Variants in RARB observed in about 807,000 individuals in gnomAD.
RARB encodes HBV-activated protein.
A neutral mutation model predicts 51.9 loss-of-function variants in RARB; 17 were observed. The observed-to-expected ratio is 0.33, with a 90% CI of 0.22 to 0.49. The LOEUF is 0.49. RARB is among the 20% of genes least tolerant of loss of function. The probability of loss-of-function intolerance (pLI) is 0.99; values close to 1 mark genes in which losing one functional copy is unlikely to be tolerated. For missense variants in RARB, 369 were observed against 550.8 expected (o/e 0.67, Z 3.30); for synonymous variants, 215 against 195.4 (o/e 1.10, Z -0.84).
At chr3:25,100,942 G>A (rs575555219) in intron 3 of RARB, among the ~76,000 whole-genome samples, 4 of 152,202 alleles carry the variant, frequency 2.6e-5, no homozygotes, top group East Asian at 1.9e-4. Context: ...CCCTACACTC[G>A]GAGCTGAGGC....
intron 2 of RARB, among the ~76,000 whole-genome samples, chr3:25,461,647 C>T (rs1462822762): frequency 1.3e-5 from 2 of 152,256 alleles, no homozygotes; most frequent in African/African-American, 4.8e-5. Context: ...GTAATCCCAG[C>T]ACTTTGGGAG....
intron 2 of RARB, among the ~76,000 whole-genome samples, chr3:24,984,501 A>G (rs953013141): frequency 7.9e-5 from 12 of 152,218 alleles, no homozygotes; most frequent in African/African-American, 2.7e-4. Flanking sequence ...TTTATTCTTT[A>G]AATTATTTCT....
At chr3:24,994,193 C>T (rs1381132489) in intron 2 of RARB, among the ~76,000 whole-genome samples, 2 of 152,062 alleles carry the variant, frequency 1.3e-5, no homozygotes, top group Non-Finnish European at 2.9e-5. Flanking sequence ...TTAATAATAG[C>T]CATTCTAACT....
At chr3:24,885,370 G>A (rs1263873116) in intron 2 of RARB, among the ~76,000 whole-genome samples, 1 of 152,172 alleles carries the variant, frequency 6.6e-6, no homozygotes, top group East Asian at 1.9e-4. Context: ...TGACAAGAAT[G>A]TTCTGGTGGG....
intron 4 of RARB, among the ~76,000 whole-genome samples, chr3:25,156,656 C>G (rs946485658): frequency 1.3e-5 from 2 of 151,304 alleles, no homozygotes; most frequent in African/African-American, 4.9e-5. Context: ...TGGAGATGCT[C>G]TCGTTCCTAC....
chr3:24,913,402 C>A (rs73049461), intron 2 of RARB, among the ~76,000 whole-genome samples: 1 of 108,412 alleles, frequency 9.2e-6, no homozygotes, highest in African/African-American at 2.9e-5. Flanking sequence ...CTCTCTCTCT[C>A]TTTTTTTTTT....
At chr3:25,101,612 CATTT>C (rs1233696022) in intron 3 of RARB, among the ~76,000 whole-genome samples, 11 of 150,678 alleles carry the variant, frequency 7.3e-5, no homozygotes, top group African/African-American at 1.9e-4. Context: ...GTTATATCAA[CATTT>C]ATTTAACTAT....
intron 5 of RARB, chr3:25,345,965 T>C (rs1325567410): frequency 1.2e-6 from 1 of 816,556 alleles, no homozygotes; most frequent in East Asian, 1.2e-4. Flanking sequence ...TTCTACAAAG[T>C]CTGCAGTTTG....
intron 5 of RARB, among the ~76,000 whole-genome samples, chr3:25,350,813 G>A (rs556128961): frequency 2.0e-5 from 3 of 152,200 alleles, no homozygotes; most frequent in Non-Finnish European, 4.4e-5. Context: ...TGATGCAGGG[G>A]CTATGGCTGA....
chr3:24,871,570 A>G (rs1252727360), intron 2 of RARB, among the ~76,000 whole-genome samples: 1 of 152,010 alleles, frequency 6.6e-6, no homozygotes, highest in Admixed American at 6.6e-5. Context: ...ATTTATCAAC[A>G]TTTACGTTCT....
chr3:25,103,911 G>T (rs1308762214), intron 3 of RARB, among the ~76,000 whole-genome samples: 2 of 152,120 alleles, frequency 1.3e-5, no homozygotes, highest in Non-Finnish European at 2.9e-5. Context: ...TTGCTTGGAA[G>T]AGATTGTGTG....
chr3:24,958,950 A>T (rs1330559633), intron 2 of RARB, among the ~76,000 whole-genome samples: 1 of 152,098 alleles, frequency 6.6e-6, no homozygotes, highest in Non-Finnish European at 1.5e-5. Context: ...TGGGAGGGGG[A>T]TCACACAGGT....
At chr3:25,567,038 A>G (rs1002019982) in intron 3 of RARB, among the ~76,000 whole-genome samples, 1 of 152,104 alleles carries the variant, frequency 6.6e-6, no homozygotes, top group East Asian at 1.9e-4. Flanking sequence ...CTGTGTTTTA[A>G]TGTAGCTGTA....
intron 5 of RARB, among the ~76,000 whole-genome samples, chr3:25,333,455 G>A (rs1704965833): frequency 6.6e-6 from 1 of 152,030 alleles, no homozygotes; most frequent in Non-Finnish European, 1.5e-5. Context: ...AAATGGTGCT[G>A]GGAAAACTGG....
chr3:25,274,764 T>C (rs946238999), intron 5 of RARB, among the ~76,000 whole-genome samples: 1 of 152,124 alleles, frequency 6.6e-6, no homozygotes, highest in African/African-American at 2.4e-5. Flanking sequence ...CTTTATATAG[T>C]CTTTTCATTA....
chr3:25,414,156 TAAATC>T (rs1455155349), intron 5 of RARB, among the ~76,000 whole-genome samples: 1 of 152,220 alleles, frequency 6.6e-6, no homozygotes. Flanking sequence ...TTTCTTTACT[TAAATC>T]AAATTATACA....
chr3:25,544,242 CAA>C (rs1699512148), intron 3 of RARB, among the ~76,000 whole-genome samples: 1 of 151,930 alleles, frequency 6.6e-6, no homozygotes, highest in Non-Finnish European at 1.5e-5. Flanking sequence ...TAAAATGAAT[CAA>C]AATGTTAATA....
intron 3 of RARB, among the ~76,000 whole-genome samples, chr3:25,514,593 A>G (rs1464651256): frequency 6.6e-6 from 1 of 151,814 alleles, no homozygotes. Flanking sequence ...CAACTCCTCC[A>G]TTTTTCTTTG....
At chr3:25,355,876 C>G (rs1431714270) in intron 5 of RARB, among the ~76,000 whole-genome samples, 1 of 151,898 alleles carries the variant, frequency 6.6e-6, no homozygotes, top group Non-Finnish European at 1.5e-5. Flanking sequence ...GTGAGTAAGT[C>G]TCTTATTTTT....
Sources: gnomAD v4.1 joint callset for allele counts (sites outside exome capture counted in the v4.1 genomes callset) on GRCh38, gnomAD v4.1.1 for gene constraint, MANE v1.5 for transcripts, NCBI Gene and HGNC (gene_info 2026-07-23, HGNC 2026-07-21) for gene names.